The following SYNE3 variants were observed in gnomAD, a reference collection of about 807,000 sequenced individuals.
SYNE3 encodes spectrin repeat containing nuclear envelope family member 3.
In SYNE3, 100 loss-of-function variants were observed where a neutral mutation model predicts 111.2. That is an observed-to-expected ratio of 0.90 (90% CI 0.77 to 1.06). SYNE3 has a LOEUF of 1.06. Among genes scored for constraint, SYNE3 ranks in the 50% least tolerant of loss-of-function variants. SYNE3 has a pLI of 0.00. For missense variants in SYNE3, 1,160 were observed against 1,240.3 expected, an observed-to-expected ratio of 0.94 and a Z score of 0.97; for synonymous variants, 547 against 533.9, an observed-to-expected ratio of 1.02 and a Z score of -0.34.
chr14:95,496,236 A>G (rs1890086617), intron 1 of SYNE3, among the ~76,000 whole-genome samples: 1 of 152,232 alleles, frequency 6.6e-6, no homozygotes, highest in Non-Finnish European at 1.5e-5. Context: ...GTCAGTGTTG[A>G]AGATCACAGA....
chr14:95,512,707 A>T (rs1272708475), intron 1 of SYNE3, among the ~76,000 whole-genome samples: 2 of 148,636 alleles, frequency 1.3e-5, no homozygotes, highest in South Asian at 2.1e-4. Flanking sequence ...AAATACAAAA[A>T]ATTAGCCGGA....
chr14:95,476,571 G>A (rs1360759336), intron 1 of SYNE3, among the ~76,000 whole-genome samples: 1 of 152,228 alleles, frequency 6.6e-6, no homozygotes, highest in East Asian at 1.9e-4. Flanking sequence ...GACTTCCCCT[G>A]GGCTATGGCT....
At chr14:95,487,087 C>A (rs562352957) in intron 1 of SYNE3, among the ~76,000 whole-genome samples, 75 of 152,326 alleles carry the variant, frequency 4.9e-4, no homozygotes, top group African/African-American at 1.7e-3. Flanking sequence ...CCCACCCGCC[C>A]CTCCGCACCT....
chr14:95,472,379 T>C (rs1236381626), intron 2 of SYNE3, among the ~76,000 whole-genome samples: 2 of 152,132 alleles, frequency 1.3e-5, no homozygotes, highest in African/African-American at 4.8e-5. Context: ...TCCCTCTCAA[T>C]AAACAAATAA....
At position 95,407,905 on chromosome 14, in the gene SYNE3, A is replaced by G. The variant is rs1903324305; in HGVS notation, c.*9921T>C. On this transcript the variant is annotated 3_prime_UTR_variant, in exon 18 of 18. Transcript: ENST00000682763. The stretch of plus-strand genomic sequence containing the variant: ...CCAGGTCTCCAGGTACAAAGGATGA[A>G]GTGGGTTTGCTCACATAGACTTAGC... The G allele has an allele frequency of 6.6e-6, 1 of 152,170 alleles. No homozygotes were observed. The highest frequency in any genetic ancestry group is 2.1e-4 in the South Asian group (1 of 4,832). 9.4% of individuals were successfully genotyped at this position (152,170 alleles called of 1,614,324 possible). A position where few individuals can be genotyped will look rare whatever the true frequency, so the allele number is the denominator to read the frequency against.
chr14:95,490,060 C>T (rs1483186322), intron 1 of SYNE3, among the ~76,000 whole-genome samples: 1 of 152,238 alleles, frequency 6.6e-6, no homozygotes, highest in African/African-American at 2.4e-5. Context: ...GACTTCCACC[C>T]ACTCTGAGAC....
rs1023800883 is a variant in SYNE3, at chr14:95,445,843, C to A, written c.1632+66G>T. On this transcript the variant is annotated intron_variant, in intron 9 of 17. Transcript: ENST00000682763. ...GAGTTTAGAACATAAGGCCATCTGC[C>A]TCCCCAGTGGGTGCTCCAGCCCCGT... The A allele has an allele frequency of 1.2e-5, 19 of 1,560,544 alleles. No homozygotes were observed. In the African/African-American group the frequency reaches 2.6e-4, roughly 21 times the overall value.
intron 2 of SYNE3, among the ~76,000 whole-genome samples, chr14:95,474,856 C>T (rs1888782340): frequency 6.6e-6 from 1 of 152,204 alleles, no homozygotes; most frequent in African/African-American, 2.4e-5. Context: ...GGCAGCACCC[C>T]ACCCCACACT....
In SYNE3 at chr14:95,437,888, AG is replaced by A. The variant is rs1160686236; in HGVS notation, c.2377-908del. On this transcript the variant is annotated intron_variant, in intron 14 of 17. Transcript: ENST00000682763. ...TTTTAGTTTCCATTCTGGGGCCAGC[AG>A]GAAGTGTTCGGCCCCGATGCTCTCT... 10 of 152,230 alleles carry A rather than the reference AG, an allele frequency of 6.6e-5. No homozygotes were observed. In the East Asian group the frequency reaches 1.9e-3, roughly 29 times the overall value. 9.4% of individuals were successfully genotyped at this position (152,230 alleles called of 1,614,324 possible). A position where few individuals can be genotyped will look rare whatever the true frequency, so the allele number is the denominator to read the frequency against.
Position 95,467,775 on chromosome 14 carries a change from A to G in SYNE3, c.317+20T>C, listed in dbSNP as rs760989577. On this transcript the variant is annotated intron_variant, in intron 3 of 17. Coordinates refer to ENST00000682763, the MANE Select transcript of SYNE3 (RefSeq NM_152592.6). ...AGGAGGGTAAATGGCAGCTGTGGAC[A>G]AAGGCCCTGGATGCCCTACCTGTGA... 6.2e-7 allele frequency: 1 copy of G among 1,613,736 alleles called. No homozygotes were observed.
chr14:95,418,426 C>T (rs1884875962), intron 17 of SYNE3, among the ~76,000 whole-genome samples: 1 of 152,190 alleles, frequency 6.6e-6, no homozygotes, highest in Non-Finnish European at 1.5e-5. Context: ...TGAGGCAGAG[C>T]CTGGCACATA....
chr14:95,462,596 C>T (rs935722019), intron 4 of SYNE3, among the ~76,000 whole-genome samples: 6 of 152,246 alleles, frequency 3.9e-5, no homozygotes, highest in African/African-American at 1.2e-4. Context: ...CATGCTCCTG[C>T]CCCAGGACAC....
At chr14:95,461,983 C>T (rs1449735615) in intron 4 of SYNE3, among the ~76,000 whole-genome samples, 3 of 152,222 alleles carry the variant, frequency 2.0e-5, no homozygotes, top group African/African-American at 7.2e-5. Context: ...TGCATCCCAC[C>T]TTGCTGATGA....
rs140509985 is a variant in SYNE3, at chr14:95,418,784, T to C, written c.2728-758A>G. Reference sequence around the variant, plus strand: ...TGCCCAGCTAATTGTTTTGTATTTTTAGTAGAGATGGGGTTTCACCATGTT... The same window carrying C: ...TGCCCAGCTAATTGTTTTGTATTTTCAGTAGAGATGGGGTTTCACCATGTT... On this transcript the variant is annotated intron_variant, in intron 17 of 17. Transcript: ENST00000682763. 2.6e-3 allele frequency among the ~76,000 whole-genome samples: 400 copies of C among 152,268 alleles called. 3 individuals are homozygous for C. The highest frequency in any genetic ancestry group is 4.2e-3 in the Non-Finnish European group (289 of 68,028).
At position 95,412,028 on chromosome 14, in the gene SYNE3, C is replaced by G. The variant is rs1363099825; in HGVS notation, c.*5798G>C. 1 of 152,390 alleles carries G rather than the reference C, an allele frequency of 6.6e-6. No individual in the cohort carries two copies. Among genetic ancestry groups the G allele is most frequent in the African/African-American group, 2.4e-5 (1 of 41,468 alleles). The allele number at this position is 152,390 out of a possible 1,614,324, so 9.4% of individuals were successfully genotyped here. ...AGCCTCCCCTTGAAGCCTCCAGGAG[C>G]CTCCCAAGCTGTGTTGTTCTGTGAC... On this transcript the variant is annotated 3_prime_UTR_variant, in exon 18 of 18. Transcript: ENST00000682763.
At position 95,505,641 on chromosome 14, in the gene SYNE3, GT is replaced by G. The variant is rs149253871; in HGVS notation, c.-15+10954del. On this transcript the variant is annotated intron_variant, in intron 1 of 17. Transcript: ENST00000682763. ...TTTAAACTTGTTTATTTTAAAAGAA[GT>G]TTTTTTTTTCTTTTTACCTTTTTCT... Among the ~76,000 whole-genome samples the G allele has an allele frequency of 8.2e-4, 122 of 149,502 alleles. 1 individual carries two copies. Among genetic ancestry groups the G allele is most frequent in the South Asian group, 4.7e-3 (22 of 4,728 alleles).
chr14:95,428,248 C>A (rs191799858), intron 17 of SYNE3, among the ~76,000 whole-genome samples: 35 of 152,184 alleles, frequency 2.3e-4, no homozygotes, highest in African/African-American at 7.9e-4. Flanking sequence ...CCAAGGTTGG[C>A]GGTCTCGGTT....
At chr14:95,443,082 A>G in intron 11 of SYNE3, 73 bp downstream of exon 11, 1 of 1,567,840 alleles carries the variant, frequency 6.4e-7, no homozygotes, top group East Asian at 2.3e-5. Context: ...AAAGGGGAAG[A>G]AAGGCCCCAG....
chr14:95,429,851 A>G (rs1476713787), intron 17 of SYNE3: 1 of 824,548 alleles, frequency 1.2e-6, no homozygotes, highest in African/African-American at 1.9e-5. Context: ...CTACTGAGCA[A>G]CATCAGCTGG....
Sources: allele counts gnomAD v4.1 joint callset (sites outside exome capture counted in the v4.1 genomes callset), GRCh38; gene constraint gnomAD v4.1.1; transcripts MANE v1.5; gene names NCBI Gene and HGNC (gene_info 2026-07-23, HGNC 2026-07-21).